The following EEF2K variants were observed in gnomAD, a reference collection of about 807,000 sequenced individuals.
EEF2K encodes eukaryotic elongation factor 2 kinase.
EEF2K carries 70 observed loss-of-function variants against 93.8 expected under a neutral mutation model. The observed-to-expected ratio is 0.75, with a 90% confidence interval of 0.62 to 0.91. The LOEUF (loss-of-function observed/expected upper bound fraction) is 0.91, where lower values mean the gene tolerates loss of function less well. Among genes scored for constraint, EEF2K ranks in the 40% least tolerant of loss-of-function variants. EEF2K has a pLI of 0.00. For synonymous variants in EEF2K, 376 were observed against 380.8 expected, an observed-to-expected ratio of 0.99 and a Z score of 0.15; for missense variants, 935 against 972.9, an observed-to-expected ratio of 0.96 and a Z score of 0.52.
At chr16:22,231,517 TC>T (rs1438424363) in intron 2 of EEF2K, among the ~76,000 whole-genome samples, 1 of 152,172 alleles carries the variant, frequency 6.6e-6, no homozygotes, top group Non-Finnish European at 1.5e-5. Flanking sequence ...GTGGCAGTTC[TC>T]TCTATGGGAG....
chr16:22,232,807 A>G (rs1433173573), intron 2 of EEF2K, among the ~76,000 whole-genome samples: 1 of 152,082 alleles, frequency 6.6e-6, no homozygotes, highest in Non-Finnish European at 1.5e-5. Context: ...TAGTGTTGCC[A>G]GGGGTGGCTT....
intron 2 of EEF2K, among the ~76,000 whole-genome samples, chr16:22,239,386 C>T (rs2047199069): frequency 6.6e-6 from 1 of 152,080 alleles, no homozygotes; most frequent in African/African-American, 2.4e-5. Flanking sequence ...GAACAGGGCA[C>T]CTGTACAGAC....
intron 3 of EEF2K, among the ~76,000 whole-genome samples, chr16:22,246,515 TAAAAA>T (rs746408835): frequency 2.3e-4 from 16 of 70,486 alleles, no homozygotes; most frequent in Non-Finnish European, 4.3e-4. Context: ...GACTCAGTCT[TAAAAA>T]AAAAAAAAAA....
intron 6 of EEF2K, among the ~76,000 whole-genome samples, chr16:22,255,466 C>T (rs951755954): frequency 2.0e-5 from 3 of 152,150 alleles, no homozygotes; most frequent in Admixed American, 6.5e-5. Context: ...GTCCACCTTA[C>T]AGGGCAGGCT....
At chr16:22,213,315 C>G (rs898006536) in intron 1 of EEF2K, among the ~76,000 whole-genome samples, 4 of 152,168 alleles carry the variant, frequency 2.6e-5, no homozygotes, top group Non-Finnish European at 5.9e-5. Flanking sequence ...CAGATTCATT[C>G]TAGAGCTGGG....
Position 22,276,295 on chromosome 16 carries a change from T to TA in EEF2K, c.1889+2546dup, listed in dbSNP as rs559024599. ...TTTTTTCAGATATGTCTACCATAGA[T>TA]AGAGGGAGGGCACAGATGCCACATA... On this transcript the variant is annotated intron_variant, in intron 16 of 17. Transcript: ENST00000263026. Among the ~76,000 whole-genome samples the TA allele has an allele frequency of 8.6e-4, 131 of 152,132 alleles. 1 individual carries two copies. Among genetic ancestry groups the TA allele is most frequent in the Non-Finnish European group, 1.7e-3 (115 of 67,998 alleles).
At chr16:22,283,860 T>C (rs1256186969) in intron 17 of EEF2K, 27 bp from the exon 18 acceptor site, 1 of 1,561,416 alleles carries the variant, frequency 6.4e-7, no homozygotes, top group Admixed American at 1.9e-5. Context: ...GGTTCACCTC[T>C]TTTTGCCCCC....
chr16:22,233,871 C>G (rs1170240460), intron 2 of EEF2K, among the ~76,000 whole-genome samples: 1 of 152,188 alleles, frequency 6.6e-6, no homozygotes, highest in African/African-American at 2.4e-5. Context: ...CCCACCTCAG[C>G]CTCCCGAGTA....
intron 3 of EEF2K, 55 bp from the exon 4 acceptor site, chr16:22,248,700 G>A (rs2047318754): frequency 8.7e-6 from 14 of 1,605,900 alleles, no homozygotes; most frequent in African/African-American, 1.3e-5. Flanking sequence ...TTTAGCCAGT[G>A]AGAAACAGGA....
intron 11 of EEF2K, 137 bp from the exon 12 acceptor site, chr16:22,262,973 G>T: frequency 1.5e-6 from 1 of 645,430 alleles, no homozygotes; most frequent in Non-Finnish European, 2.5e-6. Context: ...CACCACACCC[G>T]GCAAGGGACA....
In EEF2K at chr16:22,280,696, G is replaced by A. The variant is rs182362925; in HGVS notation, c.2068+320G>A. ...TTTTTTTTTTTTGAGACGGAGTCTCGCTCTATAGCCCAGACTGGAGTGCAA... is the reference window on the plus strand; with the variant it reads ...TTTTTTTTTTTTGAGACGGAGTCTCACTCTATAGCCCAGACTGGAGTGCAA... On this transcript the variant is annotated intron_variant, in intron 17 of 17. Coordinates refer to ENST00000263026, the MANE Select transcript of EEF2K (RefSeq NM_013302.5). Among the ~76,000 whole-genome samples the A allele has an allele frequency of 2.6e-4, 35 of 133,022 alleles. No individual in the cohort carries two copies. The East Asian group carries it at 6.0e-3, about 23-fold the overall frequency. 87.3% of individuals were successfully genotyped at this position (133,022 alleles called of 152,430 possible). A position where few individuals can be genotyped will look rare whatever the true frequency, so the allele number is the denominator to read the frequency against.
intron 6 of EEF2K, among the ~76,000 whole-genome samples, chr16:22,251,529 T>G (rs1198467266): frequency 6.6e-6 from 1 of 151,900 alleles, no homozygotes; most frequent in Non-Finnish European, 1.5e-5. Flanking sequence ...CAAGCGATTC[T>G]CCTGCCTCAG....
At chr16:22,232,000 A>AAC (rs139815930) in intron 2 of EEF2K, among the ~76,000 whole-genome samples, 323 of 126,694 alleles carry the variant, frequency 2.5e-3, no homozygotes, top group African/African-American at 0.013. Context: ...TAAACAAACA[A>AAC]AAAAAAAAAA....
chr16:22,255,061 C>A (rs1389997790), intron 6 of EEF2K, among the ~76,000 whole-genome samples: 1 of 151,932 alleles, frequency 6.6e-6, no homozygotes, highest in African/African-American at 2.4e-5. Context: ...ACAGCCTGGG[C>A]AATAAAATAT....
At position 22,258,606 on chromosome 16, in the gene EEF2K, G is replaced by C. The variant is rs377220765; in HGVS notation, c.1142G>C (p.Gly381Ala). 1.9e-6 allele frequency: 3 copies of C among 1,614,028 alleles called. No individual in the cohort carries two copies. Among genetic ancestry groups the C allele is most frequent in the Non-Finnish European group, 2.5e-6 (3 of 1,180,038 alleles). Residue 381 changes from glycine to alanine, a missense_variant, in exon 10 of 18, where the codon GGA becomes GCA. By Grantham distance (60) the Gly-to-Ala change is moderately conservative. Coordinates refer to ENST00000263026, the MANE Select transcript of EEF2K (RefSeq NM_013302.5). ...CTCCGTCCCCTTTCAGAGAACTCTGGAGACGAGAACATGAGCGACGTGACC... is the reference window on the plus strand; with the variant it reads ...CTCCGTCCCCTTTCAGAGAACTCTGCAGACGAGAACATGAGCGACGTGACC... ...PLLRPLSENS[G>A]DENMSDVTFD...
intron 14 of EEF2K, 76 bp from the exon 15 acceptor site, chr16:22,266,612 G>A (rs924708223): frequency 2.8e-5 from 44 of 1,589,216 alleles, no homozygotes; most frequent in African/African-American, 1.9e-4. Context: ...ACTTCCTCCC[G>A]CAGGCTGGCT....
intron 2 of EEF2K, among the ~76,000 whole-genome samples, chr16:22,241,693 A>G (rs954652130): frequency 2.7e-5 from 4 of 150,904 alleles, no homozygotes; most frequent in African/African-American, 9.8e-5. Context: ...GAATTAGTCT[A>G]CGGCATTGCT....
chr16:22,268,737 C>T (rs1196107912), intron 15 of EEF2K, among the ~76,000 whole-genome samples: 1 of 151,910 alleles, frequency 6.6e-6, no homozygotes, highest in Non-Finnish European at 1.5e-5. Flanking sequence ...GGGTGGATCA[C>T]CTCAGGTTAG....
chr16:22,283,855 A>G (rs1185791577), intron 17 of EEF2K, 32 bp from the exon 18 acceptor site: 2 of 1,554,716 alleles, frequency 1.3e-6, no homozygotes, highest in East Asian at 4.8e-5. Context: ...CAGGTGGTTC[A>G]CCTCTTTTTG....
Sources: gnomAD v4.1 joint callset for allele counts (sites outside exome capture counted in the v4.1 genomes callset) on GRCh38, gnomAD v4.1.1 for gene constraint, MANE v1.5 for transcripts, NCBI Gene and HGNC (gene_info 2026-07-23, HGNC 2026-07-21) for gene names.